The following GARS1 variants were observed in gnomAD, a reference collection of about 807,000 sequenced individuals.
GARS1 encodes the protein glycyl-tRNA synthetase 1, also known as glycine--tRNA ligase.
In GARS1, 46 loss-of-function variants were observed where a neutral mutation model predicts 86.4. The observed-to-expected ratio is 0.53, with a 90% CI of 0.42 to 0.68. GARS1 has a LOEUF of 0.68. Among genes scored for constraint, GARS1 ranks in the 30% least tolerant of loss-of-function variants. The probability of loss-of-function intolerance (pLI) is 0.00; values close to 1 mark genes in which losing one functional copy is unlikely to be tolerated. For synonymous variants in GARS1, 342 were observed against 329.8 expected (o/e 1.04, Z -0.40); for missense variants, 797 against 915.6 (o/e 0.87, Z 1.67).
At position 30,616,052 on chromosome 7, in the gene GARS1, T is replaced by C. The variant is rs779184435; in HGVS notation, c.1188T>C (p.Val396=). 11 of 1,614,214 alleles carry C rather than the reference T, an allele frequency of 6.8e-6. No individual in the cohort carries two copies. The South Asian group carries it at 1.2e-4, about 18-fold the overall frequency. ...SARKMRLGDA[V]EQGVINNTVL... is the part of the protein sequence containing the mutation. ...GGAAAATGCGCCTGGGAGATGCTGTTGAACAGGTAGGATTCTGGAGGTAAC... is the reference window on the plus strand; with the variant it reads ...GGAAAATGCGCCTGGGAGATGCTGTCGAACAGGTAGGATTCTGGAGGTAAC... Residue 396 remains valine, a synonymous_variant, in exon 9 of 17, where the codon GTT becomes GTC. Transcript: ENST00000389266.
chr7:30,621,050 C>T (rs926756679), intron 10 of GARS1, among the ~76,000 whole-genome samples: 22 of 137,766 alleles, frequency 1.6e-4, no homozygotes, highest in African/African-American at 5.0e-4. Context: ...ATATTTTTTT[C>T]TTTCTTTTTT....
intron 3 of GARS1, among the ~76,000 whole-genome samples, chr7:30,600,804 A>G (rs1322989926): frequency 1.3e-5 from 2 of 152,324 alleles, no homozygotes; most frequent in East Asian, 1.9e-4. Context: ...TCTGTTCTCT[A>G]AGGGGGAACT....
At chr7:30,608,284 G>A (rs71530517) in intron 6 of GARS1, among the ~76,000 whole-genome samples, 3,655 of 152,272 alleles carry the variant, frequency 0.024, 56 homozygotes, top group Non-Finnish European at 0.037. Flanking sequence ...CTTTCTATCT[G>A]TATTGGCAGA....
intron 6 of GARS1, among the ~76,000 whole-genome samples, chr7:30,605,204 A>G (rs983590709): frequency 2.6e-5 from 4 of 152,198 alleles, no homozygotes; most frequent in South Asian, 4.1e-4. Context: ...TTTCAGCTTT[A>G]TGAAGCATCA....
chr7:30,601,303 C>T, intron 4 of GARS1, 103 bp downstream of exon 4: 1 of 1,043,692 alleles, frequency 9.6e-7, no homozygotes, highest in Non-Finnish European at 1.4e-6. Flanking sequence ...TAAAGAACTA[C>T]TCATTTCATG....
chr7:30,597,256 A>G (rs1371822544), intron 1 of GARS1, among the ~76,000 whole-genome samples: 2 of 152,206 alleles, frequency 1.3e-5, no homozygotes, highest in African/African-American at 4.8e-5. Context: ...TGATGTTATG[A>G]AATCAGGTAT....
At chr7:30,621,761 T>C (rs1783011753) in intron 11 of GARS1, 1 of 547,160 alleles carries the variant, frequency 1.8e-6, no homozygotes, top group African/African-American at 1.9e-5. Context: ...TTCAGAACGT[T>C]AATAGTTTTT....
chr7:30,625,402 A>G (rs144917755), intron 12 of GARS1, among the ~76,000 whole-genome samples: 196 of 152,370 alleles, frequency 1.3e-3, no homozygotes, highest in African/African-American at 4.2e-3. Flanking sequence ...AACACCAGTC[A>G]GATGAGGCAT....
Position 30,631,600 on chromosome 7 carries a change from G to A in GARS1, c.1903+59G>A, listed in dbSNP as rs1334091507. On this transcript the variant is annotated intron_variant, in intron 15 of 16. Coordinates refer to ENST00000389266, the MANE Select transcript of GARS1 (RefSeq NM_002047.4). ...ACACCATCAAGGAGACTGAATTTTA[G>A]GAAATGTATCATTTATTTCAATAAA... 2.5e-5 allele frequency: 26 copies of A among 1,039,176 alleles called. 1 individual carries two copies. The South Asian group carries it at 3.0e-4, about 12-fold the overall frequency. The allele number at this position is 1,039,176 out of a possible 1,614,324, so 64.4% of individuals were successfully genotyped here.
intron 9 of GARS1, among the ~76,000 whole-genome samples, 153 bp downstream of exon 9, chr7:30,616,211 T>C (rs1782887128): frequency 6.6e-6 from 1 of 152,204 alleles, no homozygotes; most frequent in South Asian, 2.1e-4. Context: ...TGTTATACAG[T>C]ATTATTATAG....
At chr7:30,621,692 T>C (rs2128135121) in intron 11 of GARS1, 192 bp downstream of exon 11, 3 of 619,484 alleles carry the variant, frequency 4.8e-6, no homozygotes, top group Middle Eastern at 2.9e-4. Flanking sequence ...GTCTGACGTG[T>C]GCCCACTCAA....
At chr7:30,624,947 ACT>A (rs1328663880) in intron 12 of GARS1, among the ~76,000 whole-genome samples, 2 of 150,740 alleles carry the variant, frequency 1.3e-5, no homozygotes, top group African/African-American at 4.9e-5. Flanking sequence ...GTCAATTACA[ACT>A]CTTTTTTTTT....
intron 11 of GARS1, 59 bp downstream of exon 11, chr7:30,621,559 A>T: frequency 8.3e-7 from 1 of 1,211,744 alleles, no homozygotes; most frequent in South Asian, 1.2e-5. Context: ...TTGCTAATGA[A>T]TAAGTCCAAG....
rs145902909 is a variant in GARS1, at chr7:30,617,067, T to C, written c.1195-47T>C. 1,158 of 1,592,956 alleles carry C rather than the reference T, an allele frequency of 7.3e-4. 11 individuals carry two copies. The African/African-American group carries it at 0.014, about 19-fold the overall frequency. On this transcript the variant is annotated intron_variant, in intron 9 of 16. Coordinates refer to ENST00000389266, the MANE Select transcript of GARS1 (RefSeq NM_002047.4). Reference sequence around the variant, plus strand: ...ATATCTTGGCTTTGAAGAGTATTAATGTGTGTTTTCTTTTCTTCCTCCATG... The same window carrying C: ...ATATCTTGGCTTTGAAGAGTATTAACGTGTGTTTTCTTTTCTTCCTCCATG...
At chr7:30,613,413 G>T (rs1782818145) in intron 8 of GARS1, among the ~76,000 whole-genome samples, 4 of 152,136 alleles carry the variant, frequency 2.6e-5, no homozygotes, top group South Asian at 4.1e-4. Flanking sequence ...GAGTGTTTTT[G>T]TTTTTTTGTT....
At position 30,628,605 on chromosome 7, in the gene GARS1, G is replaced by T; in HGVS notation, c.1745G>T (p.Gly582Val). 1 of 1,613,134 alleles carries T rather than the reference G, an allele frequency of 6.2e-7. No homozygotes were observed. Among genetic ancestry groups the T allele is most frequent in the Non-Finnish European group, 8.5e-7 (1 of 1,179,176 alleles). ...PNVIEPSFGL[G>V]RIMYTVFEHT... ...GTAATTGAACCTTCCTTCGGCCTGG[G>T]TAGGATCATGTATACGGTATTTGAA... The change falls in exon 14 of 17, where the codon GGT becomes GTT. Residue 582 changes from glycine to valine, a missense_variant. Coordinates refer to ENST00000389266, the MANE Select transcript of GARS1 (RefSeq NM_002047.4).
At chr7:30,600,374 T>A (rs1791348197) in intron 3 of GARS1, among the ~76,000 whole-genome samples, 1 of 152,228 alleles carries the variant, frequency 6.6e-6, no homozygotes. Context: ...GCCATTGTAG[T>A]ACTGGCTAAC....
chr7:30,633,296 G>A (rs1383455086), intron 16 of GARS1, among the ~76,000 whole-genome samples: 3 of 152,170 alleles, frequency 2.0e-5, no homozygotes, highest in African/African-American at 4.8e-5. Flanking sequence ...AGAGGGGGCA[G>A]GCAGAACTTT....
chr7:30,615,721 T>A (rs1169195056), intron 8 of GARS1, among the ~76,000 whole-genome samples, 175 bp from the exon 9 acceptor site: 1 of 152,210 alleles, frequency 6.6e-6, no homozygotes, highest in Non-Finnish European at 1.5e-5. Context: ...ACAAATTTAA[T>A]TCAAAATTTT....
Sources: allele counts gnomAD v4.1 joint callset (sites outside exome capture counted in the v4.1 genomes callset), GRCh38; gene constraint gnomAD v4.1.1; transcripts MANE v1.5; gene names NCBI Gene and HGNC (gene_info 2026-07-23, HGNC 2026-07-21).